RGS6: variants seen among roughly 807,000 people sequenced by gnomAD.
RGS6 encodes the protein regulator of G-protein signaling 6.
A neutral mutation model predicts 78.5 loss-of-function variants in RGS6; 30 were observed. That is an observed-to-expected ratio of 0.38 (90% confidence interval 0.29 to 0.52). RGS6 has a LOEUF of 0.52. Among genes scored for constraint, RGS6 ranks in the 20% least tolerant of loss-of-function variants. The pLI, the probability that RGS6 is intolerant of heterozygous loss-of-function variation, is 0.85. For synonymous variants in RGS6, 206 were observed against 206.0 expected, an observed-to-expected ratio of 1.00 and a Z score of 0.00; for missense variants, 495 against 609.7, an observed-to-expected ratio of 0.81 and a Z score of 1.98.
intron 3 of RGS6, among the ~76,000 whole-genome samples, chr14:72,429,006 G>C (rs1205851187): frequency 6.6e-6 from 1 of 152,178 alleles, no homozygotes; most frequent in African/African-American, 2.4e-5. Flanking sequence ...TTCAAGACCA[G>C]CCTAGGCAAC....
chr14:72,202,625 A>C (rs764027085), intron 2 of RGS6, among the ~76,000 whole-genome samples: 8 of 152,050 alleles, frequency 5.3e-5, no homozygotes, highest in Non-Finnish European at 1.0e-4. Flanking sequence ...GAGAGTAAGC[A>C]AACTTACTGC....
At chr14:72,546,315 A>G (rs2097402133) in intron 17 of RGS6, among the ~76,000 whole-genome samples, 1 of 152,242 alleles carries the variant, frequency 6.6e-6, no homozygotes, top group African/African-American at 2.4e-5. Context: ...ATAAAAGTCT[A>G]TTTTTTATAA....
At chr14:71,970,483 A>C (rs1486150381) in intron 2 of RGS6, among the ~76,000 whole-genome samples, 27 of 152,192 alleles carry the variant, frequency 1.8e-4, no homozygotes. Flanking sequence ...TTTTAGTTAC[A>C]TTGGCTGTGG....
chr14:72,275,918 C>T (rs1230263852), intron 2 of RGS6, among the ~76,000 whole-genome samples: 1 of 152,174 alleles, frequency 6.6e-6, no homozygotes, highest in East Asian at 1.9e-4. Context: ...AGGAAGCCAG[C>T]ATCAGCACAA....
chr14:72,156,403 A>C (rs1216894696), intron 2 of RGS6, among the ~76,000 whole-genome samples: 1 of 136,546 alleles, frequency 7.3e-6, no homozygotes, highest in Admixed American at 8.4e-5. Context: ...CCAAGATCCC[A>C]CTTGGCTGCC....
At chr14:71,882,953 G>A in the RGS6 span, among the ~76,000 whole-genome samples, 1 of 152,204 alleles carries the variant, frequency 6.6e-6, no homozygotes, top group African/African-American at 2.4e-5. Context: ...TTGTTTGGGT[G>A]TTAATGACAT....
intron 2 of RGS6, among the ~76,000 whole-genome samples, chr14:72,037,013 C>G (rs2091809724): frequency 6.6e-6 from 1 of 152,128 alleles, no homozygotes; most frequent in South Asian, 2.1e-4. Context: ...CTGTGTCTAG[C>G]TGAAGGATTG....
In RGS6 at chr14:72,554,086, G is replaced by A. The variant is rs568249546; in HGVS notation, c.1423-8331G>A. On this transcript the variant is annotated intron_variant, in intron 17 of 17. Coordinates refer to ENST00000553525, the MANE Select transcript of RGS6 (RefSeq NM_001204424.2). ...ATGTCTGATAAGTGCCTGCTAAATT[G>A]CATTCCTGATAGTGGGGAAGAAAGA... Among the ~76,000 whole-genome samples, 52 of 152,320 alleles carry A rather than the reference G, an allele frequency of 3.4e-4. 1 individual carries two copies. The highest frequency in any genetic ancestry group is 6.2e-4 in the South Asian group (3 of 4,830).
At chr14:72,421,599 A>G (rs1375936745) in intron 3 of RGS6, 1 of 152,112 alleles carries the variant, frequency 6.6e-6, no homozygotes. Context: ...AGCTTCTAAA[A>G]TCACCTCTGC....
At chr14:71,915,670 G>A in the RGS6 span, among the ~76,000 whole-genome samples, 1 of 152,186 alleles carries the variant, frequency 6.6e-6, no homozygotes, top group Non-Finnish European at 1.5e-5. Context: ...CATTTGTGCT[G>A]AAGTGATTGG....
Position 72,123,113 on chromosome 14 carries a change from T to G in RGS6, c.84+158238T>G, listed in dbSNP as rs141312474. ...TCCCAGGTAGCTGGGATTATAGGTA[T>G]GCACCACCACACCTGGCTAATTTTG... On this transcript the variant is annotated intron_variant, in intron 2 of 17. Coordinates refer to ENST00000553525, the MANE Select transcript of RGS6 (RefSeq NM_001204424.2). Among the ~76,000 whole-genome samples, 47 of 152,242 alleles carry G rather than the reference T, an allele frequency of 3.1e-4. 1 individual carries two copies. In the East Asian group the frequency reaches 9.1e-3, roughly 29 times the overall value.
intron 2 of RGS6, among the ~76,000 whole-genome samples, chr14:71,993,558 AATT>A (rs2095060325): frequency 1.3e-5 from 2 of 152,338 alleles, no homozygotes; most frequent in South Asian, 4.1e-4. Flanking sequence ...TACATAAAGA[AATT>A]AACACAGAAG....
intron 2 of RGS6, among the ~76,000 whole-genome samples, chr14:72,239,413 A>ACT (rs1431206587): frequency 2.0e-5 from 3 of 152,282 alleles, no homozygotes; most frequent in African/African-American, 7.2e-5. Context: ...TTTAATGTTA[A>ACT]CAGATGTGCC....
intron 3 of RGS6, among the ~76,000 whole-genome samples, chr14:72,401,707 C>G (rs1456149150): frequency 6.7e-6 from 1 of 150,050 alleles, no homozygotes; most frequent in Admixed American, 6.6e-5. Flanking sequence ...TAAAAAGATG[C>G]TTAAAATAAA....
intron 7 of RGS6, among the ~76,000 whole-genome samples, chr14:72,467,026 T>C (rs1157442753): frequency 1.3e-5 from 2 of 152,216 alleles, no homozygotes; most frequent in African/African-American, 2.4e-5. Context: ...CTTCATAAGA[T>C]GAGACTTCTT....
At chr14:72,614,389 C>T in the RGS6 span, among the ~76,000 whole-genome samples, 6 of 152,310 alleles carry the variant, frequency 3.9e-5, no homozygotes, top group African/African-American at 1.2e-4. Flanking sequence ...GATTTCAAAA[C>T]GGGCAACACA....
chr14:71,872,018 G>A, the RGS6 span, among the ~76,000 whole-genome samples: 1 of 152,104 alleles, frequency 6.6e-6, no homozygotes, highest in African/African-American at 2.4e-5. Flanking sequence ...GGGAAGGTGA[G>A]GAAGGAGCCA....
intron 2 of RGS6, among the ~76,000 whole-genome samples, chr14:72,025,874 C>T (rs1465433057): frequency 6.6e-6 from 1 of 152,046 alleles, no homozygotes; most frequent in Non-Finnish European, 1.5e-5. Flanking sequence ...GTTATAAAGC[C>T]GTGTTCTTAC....
chr14:72,321,393 C>A (rs2071974185), intron 2 of RGS6, among the ~76,000 whole-genome samples: 1 of 151,304 alleles, frequency 6.6e-6, no homozygotes, highest in African/African-American at 2.4e-5. Context: ...GCTAAACTCC[C>A]ATATTAAAAA....
Sources: allele counts gnomAD v4.1 joint callset (sites outside exome capture counted in the v4.1 genomes callset), GRCh38; gene constraint gnomAD v4.1.1; transcripts MANE v1.5; gene names NCBI Gene and HGNC (gene_info 2026-07-23, HGNC 2026-07-21).